Variants in CTNNBL1 observed in about 807,000 individuals in gnomAD.
The protein encoded by CTNNBL1 is catenin beta like 1, also known as beta-catenin-like protein 1.
CTNNBL1 carries 31 observed loss-of-function variants against 72.7 expected under a neutral mutation model. The observed-to-expected ratio is 0.43, with a 90% CI of 0.32 to 0.58. The LOEUF (loss-of-function observed/expected upper bound fraction) is 0.58. Ranked by LOEUF, CTNNBL1 falls within the 20% of genes least tolerant of loss-of-function variation. The pLI is 0.08. For missense variants in CTNNBL1, 534 were observed against 725.1 expected, an observed-to-expected ratio of 0.74 and a Z score of 3.03; for synonymous variants, 240 against 267.3, an observed-to-expected ratio of 0.90 and a Z score of 1.00.
intron 10 of CTNNBL1, among the ~76,000 whole-genome samples, chr20:37,782,995 T>C (rs80036505): frequency 0.11 from 16,294 of 152,196 alleles, 1,327 homozygotes; most frequent in African/African-American, 0.22. Context: ...ACACAGTGTC[T>C]ACCATATAGG....
intron 15 of CTNNBL1, 67 bp downstream of exon 15, chr20:37,860,411 G>C (rs2072482103): frequency 7.9e-7 from 1 of 1,262,578 alleles, no homozygotes; most frequent in Admixed American, 1.7e-5. Flanking sequence ...CTGAGCCTCT[G>C]TCAGTATCCC....
chr20:37,854,947 A>G (rs2072426530), intron 13 of CTNNBL1, among the ~76,000 whole-genome samples: 1 of 152,084 alleles, frequency 6.6e-6, no homozygotes, highest in Admixed American at 6.5e-5. Context: ...CCTTGGCACT[A>G]TCCTGACACA....
rs77626228 is a variant in CTNNBL1 at position 37,845,340 on chromosome 20, G to C, written c.1392+2921G>C. ...TTATCTATTATCAGCATTGAAGAGG[G>C]TGTGAAATTGATTAGCACTGACGGA... On this transcript the variant is annotated intron_variant, in intron 13 of 15. Coordinates refer to ENST00000361383, the MANE Select transcript of CTNNBL1 (RefSeq NM_030877.5). Among the ~76,000 whole-genome samples the C allele has an allele frequency of 7.4e-3, 1,129 of 152,292 alleles. 10 individuals carry two copies. Among genetic ancestry groups the C allele is most frequent in the African/African-American group, 0.026 (1,077 of 41,546 alleles).
intron 3 of CTNNBL1, among the ~76,000 whole-genome samples, chr20:37,741,569 G>GT (rs1196648954): frequency 6.6e-6 from 1 of 152,184 alleles, no homozygotes; most frequent in Non-Finnish European, 1.5e-5. Flanking sequence ...ATAATTAATG[G>GT]TTTGTAATAG....
intron 2 of CTNNBL1, among the ~76,000 whole-genome samples, chr20:37,736,875 C>T (rs188617876): frequency 1.2e-4 from 19 of 152,078 alleles, no homozygotes; most frequent in South Asian, 8.3e-4. Flanking sequence ...GTGATATACC[C>T]GAAAAGAAGC....
chr20:37,720,321 C>G (rs117351621), intron 1 of CTNNBL1, among the ~76,000 whole-genome samples: 3 of 152,038 alleles, frequency 2.0e-5, no homozygotes, highest in Admixed American at 6.6e-5. Context: ...AGCCACTGTG[C>G]GTGGCCTGAA....
At chr20:37,779,700 T>C (rs2073609154) in intron 10 of CTNNBL1, among the ~76,000 whole-genome samples, 3 of 152,184 alleles carry the variant, frequency 2.0e-5, no homozygotes, top group Admixed American at 1.3e-4. Context: ...CACATAGACC[T>C]ATCTATGCCA....
At chr20:37,841,617 G>T (rs1427374445) in intron 12 of CTNNBL1, among the ~76,000 whole-genome samples, 1 of 152,106 alleles carries the variant, frequency 6.6e-6, no homozygotes, top group Non-Finnish European at 1.5e-5. Flanking sequence ...CAAGGGCTGT[G>T]GTGGTGCCAA....
At chr20:37,868,807 G>C (rs2072558813) in intron 15 of CTNNBL1, among the ~76,000 whole-genome samples, 1 of 152,166 alleles carries the variant, frequency 6.6e-6, no homozygotes, top group Non-Finnish European at 1.5e-5. Flanking sequence ...GAAAATCACT[G>C]CCCCACAGCA....
At chr20:37,802,131 A>G (rs1319085529) in intron 10 of CTNNBL1, among the ~76,000 whole-genome samples, 1 of 152,228 alleles carries the variant, frequency 6.6e-6, no homozygotes, top group Non-Finnish European at 1.5e-5. Context: ...ATGTCCTTCA[A>G]CTGATAAATG....
intron 11 of CTNNBL1, among the ~76,000 whole-genome samples, chr20:37,828,882 A>C (rs2072183969): frequency 6.6e-6 from 1 of 152,212 alleles, no homozygotes; most frequent in Non-Finnish European, 1.5e-5. Flanking sequence ...GTCCATTATA[A>C]TGAAATGTAA....
chr20:37,727,318 ACG>A (rs2073093315), intron 1 of CTNNBL1: 2 of 983,582 alleles, frequency 2.0e-6, no homozygotes, highest in Admixed American at 6.2e-5. Flanking sequence ...GGATGGAGAC[ACG>A]CACACACACA....
intron 11 of CTNNBL1, among the ~76,000 whole-genome samples, chr20:37,835,023 T>C (rs752133365): frequency 2.6e-5 from 4 of 152,222 alleles, no homozygotes; most frequent in Non-Finnish European, 5.9e-5. Flanking sequence ...ATTTGCAACA[T>C]ATTTGGAAAA....
chr20:37,856,071 T>C (rs1343354671), intron 13 of CTNNBL1, among the ~76,000 whole-genome samples: 1 of 151,960 alleles, frequency 6.6e-6, no homozygotes, highest in Non-Finnish European at 1.5e-5. Context: ...ACCACATCTC[T>C]ACTAAAAATA....
At chr20:37,764,744 G>T (rs1187369485) in intron 5 of CTNNBL1, among the ~76,000 whole-genome samples, 1 of 152,172 alleles carries the variant, frequency 6.6e-6, no homozygotes, top group Admixed American at 6.5e-5. Flanking sequence ...ATAGAATGTG[G>T]CTGGTGCACA....
At chr20:37,697,021 A>G (rs1378312399) in intron 1 of CTNNBL1, among the ~76,000 whole-genome samples, 1 of 151,642 alleles carries the variant, frequency 6.6e-6, no homozygotes. Flanking sequence ...GTCTCTACTA[A>G]AAATATAAAA....
intron 5 of CTNNBL1, 86 bp from the exon 6 acceptor site, chr20:37,765,111 T>C (rs2073454073): frequency 1.2e-6 from 1 of 846,034 alleles, no homozygotes; most frequent in South Asian, 1.5e-5. Flanking sequence ...TTCATTCAAA[T>C]AGTGGAGAAG....
intron 13 of CTNNBL1, among the ~76,000 whole-genome samples, chr20:37,850,708 C>T (rs1203916534): frequency 6.6e-6 from 1 of 152,168 alleles, no homozygotes; most frequent in Non-Finnish European, 1.5e-5. Flanking sequence ...AGTTACTTCC[C>T]TCTCCCGTGG....
chr20:37,728,884 G>A (rs1243867303), intron 1 of CTNNBL1, among the ~76,000 whole-genome samples: 1 of 152,136 alleles, frequency 6.6e-6, no homozygotes, highest in Non-Finnish European at 1.5e-5. Context: ...GAACTTAAAG[G>A]TAACCCTCTT....
Sources: gnomAD v4.1 joint callset for allele counts (sites outside exome capture counted in the v4.1 genomes callset) on GRCh38, gnomAD v4.1.1 for gene constraint, MANE v1.5 for transcripts, NCBI Gene and HGNC (gene_info 2026-07-23, HGNC 2026-07-21) for gene names.